The following PXDN variants were observed in gnomAD, a reference collection of about 807,000 sequenced individuals.
PXDN encodes peroxidasin homolog.
Under a neutral mutation model 140.3 loss-of-function variants are expected in PXDN, and 77 were observed. The observed-to-expected ratio is 0.55, with a 90% confidence interval of 0.46 to 0.66. The LOEUF (loss-of-function observed/expected upper bound fraction) is 0.66, where lower values mean the gene tolerates loss of function less well. Ranked by LOEUF, PXDN falls within the 30% of genes least tolerant of loss-of-function variation. The probability of loss-of-function intolerance (pLI) is 0.00; values close to 1 mark genes in which losing one functional copy is unlikely to be tolerated. For synonymous variants in PXDN, 911 were observed against 857.4 expected (o/e 1.06, Z -1.09); for missense variants, 1,838 against 2,039.5 (o/e 0.90, Z 1.90).
At chr2:1,635,669 C>T (rs1437875878) in intron 21 of PXDN, 148 bp from the exon 22 acceptor site, 2 of 709,672 alleles carry the variant, frequency 2.8e-6, no homozygotes, top group Non-Finnish European at 5.0e-6. Context: ...TACAGAATCT[C>T]CAATGTCCTT....
chr2:1,658,410 C>T (rs547623387), intron 14 of PXDN, among the ~76,000 whole-genome samples: 11 of 152,138 alleles, frequency 7.2e-5, no homozygotes, highest in Admixed American at 4.6e-4. Context: ...GTGACACTGA[C>T]AGAGCCCAGC....
chr2:1,650,928 C>T (rs769389054), intron 16 of PXDN, among the ~76,000 whole-genome samples: 3 of 151,954 alleles, frequency 2.0e-5, no homozygotes, highest in Non-Finnish European at 2.9e-5. Flanking sequence ...TGTGGGGGAG[C>T]GGTGTCCATA....
At chr2:1,726,468 T>C (rs879857420) in intron 1 of PXDN, among the ~76,000 whole-genome samples, 19 of 150,784 alleles carry the variant, frequency 1.3e-4, no homozygotes, top group Admixed American at 7.2e-4. Context: ...TTAGGAGATA[T>C]ACCTAATGCT....
At chr2:1,712,132 T>A (rs183564844) in intron 1 of PXDN, among the ~76,000 whole-genome samples, 12 of 152,234 alleles carry the variant, frequency 7.9e-5, no homozygotes, top group Admixed American at 7.9e-4. Context: ...AAGAAGGAAC[T>A]GAGATAATAC....
At chr2:1,659,166 C>G (rs1274579988) in intron 14 of PXDN, among the ~76,000 whole-genome samples, 1 of 152,242 alleles carries the variant, frequency 6.6e-6, no homozygotes, top group East Asian at 1.9e-4. Context: ...TGTGCTCACA[C>G]CGGACTATGG....
rs144986899 is a variant in PXDN, at chr2:1,738,666, A to G, written c.200+5590T>C. Reference sequence around the variant, plus strand: ...CAGGCTCAAGCGATTCTCATGCCTCAGCCTCCCGAGTAGCTGTGACCACAG... The same window carrying G: ...CAGGCTCAAGCGATTCTCATGCCTCGGCCTCCCGAGTAGCTGTGACCACAG... On this transcript the variant is annotated intron_variant, in intron 1 of 22. Coordinates refer to ENST00000252804, the MANE Select transcript of PXDN (RefSeq NM_012293.3). Among the ~76,000 whole-genome samples, 1,202 of 151,864 alleles carry G rather than the reference A, an allele frequency of 7.9e-3. 16 individuals are homozygous for G. Among genetic ancestry groups the G allele is most frequent in the African/African-American group, 0.027 (1,137 of 41,388 alleles).
intron 8 of PXDN, among the ~76,000 whole-genome samples, chr2:1,675,824 A>ATCTATCC (rs369988512): frequency 3.6e-4 from 39 of 109,148 alleles, no homozygotes; most frequent in East Asian, 3.6e-4. Flanking sequence ...ACTCAGTTTG[A>ATCTATCC]GCCCGAGTAT....
At chr2:1,700,973 T>C (rs1182885836) in intron 1 of PXDN, among the ~76,000 whole-genome samples, 1 of 152,148 alleles carries the variant, frequency 6.6e-6, no homozygotes, top group Non-Finnish European at 1.5e-5. Flanking sequence ...AAGGTTGGAA[T>C]TATAACCGAT....
At chr2:1,675,169 C>T (rs1683670194) in intron 8 of PXDN, among the ~76,000 whole-genome samples, 1 of 152,154 alleles carries the variant, frequency 6.6e-6, no homozygotes, top group Non-Finnish European at 1.5e-5. Flanking sequence ...GCCCAATCCC[C>T]CCCACCAGAA....
intron 1 of PXDN, among the ~76,000 whole-genome samples, chr2:1,735,598 G>A (rs1420436322): frequency 1.3e-5 from 2 of 152,170 alleles, no homozygotes; most frequent in Non-Finnish European, 2.9e-5. Flanking sequence ...TCAACAGTGA[G>A]CTTAAAATAT....
At chr2:1,710,120 A>T (rs1301511164) in intron 1 of PXDN, among the ~76,000 whole-genome samples, 1 of 152,182 alleles carries the variant, frequency 6.6e-6, no homozygotes, top group Non-Finnish European at 1.5e-5. Flanking sequence ...CCCTGCAATG[A>T]CAAGCTTTCG....
intron 18 of PXDN, 120 bp from the exon 19 acceptor site, chr2:1,643,696 T>C (rs1452855572): frequency 4.0e-6 from 4 of 1,003,634 alleles, no homozygotes; most frequent in Admixed American, 4.3e-5. Context: ...TAGGTTTGAT[T>C]AGGTGTCACT....
chr2:1,671,677 G>A lies in PXDN; in HGVS notation c.1018+1966C>T, dbSNP rs115196853. 5.8e-3 allele frequency among the ~76,000 whole-genome samples: 884 copies of A among 152,086 alleles called. 8 individuals are homozygous for A. Among genetic ancestry groups the A allele is most frequent in the African/African-American group, 0.021 (851 of 41,498 alleles). ...TAATCACAGAGCTTCAGGATACTGG[G>A]TGCGATATGCCCCTTTGTGTCTCAC... On this transcript the variant is annotated intron_variant, in intron 9 of 22. Transcript: ENST00000252804.
At chr2:1,742,245 T>A (rs188843387) in intron 1 of PXDN, among the ~76,000 whole-genome samples, 2 of 152,352 alleles carry the variant, frequency 1.3e-5, no homozygotes, top group East Asian at 3.9e-4. Context: ...TCCAGTAAAG[T>A]GTTTAGTTCT....
intron 1 of PXDN, among the ~76,000 whole-genome samples, chr2:1,699,287 G>A (rs1684365730): frequency 6.6e-6 from 1 of 152,156 alleles, no homozygotes; most frequent in Non-Finnish European, 1.5e-5. Flanking sequence ...CTAAAAAGCG[G>A]TCACTAAAGA....
At chr2:1,666,695 G>C (rs2125428670) in intron 9 of PXDN, among the ~76,000 whole-genome samples, 1 of 152,324 alleles carries the variant, frequency 6.6e-6, no homozygotes, top group Non-Finnish European at 1.5e-5. Context: ...GGCCACGTGA[G>C]AAAAGTGAGC....
chr2:1,721,327 G>T (rs532670984), intron 1 of PXDN, among the ~76,000 whole-genome samples: 16 of 152,244 alleles, frequency 1.1e-4, no homozygotes, highest in Non-Finnish European at 1.9e-4. Flanking sequence ...TTTCAACAAC[G>T]GTACGGGTTA....
At position 1,730,361 on chromosome 2, in the gene PXDN, T is replaced by C. The variant is rs558636383; in HGVS notation, c.200+13895A>G. Among the ~76,000 whole-genome samples the C allele has an allele frequency of 2.6e-4, 40 of 152,310 alleles. 1 individual carries two copies. The highest frequency in any genetic ancestry group is 7.2e-4 in the African/African-American group (30 of 41,572). On this transcript the variant is annotated intron_variant, in intron 1 of 22. Coordinates refer to ENST00000252804, the MANE Select transcript of PXDN (RefSeq NM_012293.3). The stretch of plus-strand genomic sequence containing the variant: ...CTTGTGGCAAACAGGCCTGGCAGAT[T>C]ATACCCCTCTGTGTGCCCAACCAAA...
intron 1 of PXDN, among the ~76,000 whole-genome samples, chr2:1,722,838 C>T (rs1306319039): frequency 2.0e-5 from 3 of 152,268 alleles, no homozygotes; most frequent in Non-Finnish European, 4.4e-5. Flanking sequence ...AGCCTGACCC[C>T]TTCTGGACCA....
Sources: allele counts gnomAD v4.1 joint callset (sites outside exome capture counted in the v4.1 genomes callset), GRCh38; gene constraint gnomAD v4.1.1; transcripts MANE v1.5; gene names NCBI Gene and HGNC (gene_info 2026-07-23, HGNC 2026-07-21).